ANO4: variants seen among roughly 807,000 people sequenced by gnomAD.
ANO4 encodes the protein anoctamin-4.
A neutral mutation model predicts 141.9 loss-of-function variants in ANO4; 69 were observed. The observed-to-expected ratio is 0.49, with a 90% CI of 0.40 to 0.59. ANO4 has a LOEUF of 0.59. Ranked by LOEUF, ANO4 falls within the 20% of genes least tolerant of loss-of-function variation. ANO4 has a pLI of 0.00. For missense variants in ANO4, 894 were observed against 1,162.2 expected (o/e 0.77, Z 3.36); for synonymous variants, 350 against 394.3 (o/e 0.89, Z 1.33).
intron 14 of ANO4, among the ~76,000 whole-genome samples, chr12:101,065,987 A>G (rs1184296848): frequency 6.6e-6 from 1 of 152,268 alleles, no homozygotes; most frequent in African/African-American, 2.4e-5. Flanking sequence ...GATACATCAT[A>G]TCAACAGAAT....
chr12:100,864,928 A>C (rs2038676329), intron 1 of ANO4, among the ~76,000 whole-genome samples: 1 of 152,144 alleles, frequency 6.6e-6, no homozygotes, highest in Non-Finnish European at 1.5e-5. Context: ...ATGAGTGAGA[A>C]CATGCAGTGT....
intron 1 of ANO4, among the ~76,000 whole-genome samples, chr12:100,881,972 T>C (rs1295577147): frequency 2.6e-5 from 4 of 152,118 alleles, no homozygotes; most frequent in Non-Finnish European, 5.9e-5. Context: ...TGTGCCTAAA[T>C]TGCTTTATTC....
intron 2 of ANO4, among the ~76,000 whole-genome samples, chr12:100,912,713 G>C (rs2041168447): frequency 1.3e-5 from 2 of 152,310 alleles, no homozygotes; most frequent in South Asian, 4.1e-4. Context: ...TAAGGAACCT[G>C]GCTGTTCTCT....
intron 4 of ANO4, 114 bp from the exon 5 acceptor site, chr12:100,942,263 G>C: frequency 1.6e-6 from 2 of 1,227,540 alleles, no homozygotes; most frequent in Non-Finnish European, 2.3e-6. Context: ...ACAGGCATGA[G>C]CCACCGCACC....
chr12:100,948,150 CAAAAAAAAAAAA>C (rs58889801), intron 5 of ANO4, among the ~76,000 whole-genome samples: 26 of 83,330 alleles, frequency 3.1e-4, no homozygotes, highest in Non-Finnish European at 4.9e-4. Flanking sequence ...GACTTCGTCT[CAAAAAAAAAAAA>C]AAAAAAAAAA....
chr12:100,971,406 G>C lies in ANO4; in HGVS notation c.557G>C (p.Arg186Thr), dbSNP rs764753983. ...CAAATGAATGTAAGAATGCCTTTCA[G>C]GTAGGTGGAAATGTATTTTATTCCA... ...AEQMNVRMPF[R>T]RKIYYLPRRY... The change falls in exon 6 of 28, where the codon AGG (arginine) becomes ACG (threonine). Residue 186 changes from arginine (R) to threonine (T), a missense_variant and splice_region_variant. By Grantham distance (71) the Arg-to-Thr change is moderately conservative. Transcript: ENST00000392977. The C allele has an allele frequency of 6.3e-7, 1 of 1,589,578 alleles. No individual in the cohort carries two copies. Among genetic ancestry groups the C allele is most frequent in the South Asian group, 1.1e-5 (1 of 89,632 alleles).
intron 14 of ANO4, among the ~76,000 whole-genome samples, chr12:101,052,652 TA>T (rs935874930): frequency 6.6e-6 from 1 of 152,216 alleles, no homozygotes; most frequent in Non-Finnish European, 1.5e-5. Flanking sequence ...ATGTCTCATT[TA>T]AAAAAATAAA....
intron 1 of ANO4, among the ~76,000 whole-genome samples, chr12:100,824,918 C>T (rs974938826): frequency 2.0e-5 from 3 of 151,954 alleles, no homozygotes; most frequent in African/African-American, 7.2e-5. Context: ...TAATTGATAT[C>T]TGTTTTCAAA....
At chr12:100,997,295 C>T (rs1963069) in intron 8 of ANO4, among the ~76,000 whole-genome samples, 149 of 147,522 alleles carry the variant, frequency 1.0e-3, no homozygotes, top group African/African-American at 3.7e-3. Flanking sequence ...GATCCCACCA[C>T]TGCACCCCAG....
chr12:100,940,717 T>A (rs2042474448), intron 4 of ANO4, among the ~76,000 whole-genome samples: 1 of 152,164 alleles, frequency 6.6e-6, no homozygotes, highest in African/African-American at 2.4e-5. Flanking sequence ...CTGGCATGTT[T>A]ACCTTCTTCA....
At chr12:101,048,741 A>G (rs1385106389) in intron 14 of ANO4, among the ~76,000 whole-genome samples, 1 of 152,180 alleles carries the variant, frequency 6.6e-6, no homozygotes, top group Non-Finnish European at 1.5e-5. Flanking sequence ...AGGACTTTCT[A>G]TTGTAAGTGG....
chr12:101,058,797 G>A (rs1448621298), intron 14 of ANO4, among the ~76,000 whole-genome samples: 1 of 152,092 alleles, frequency 6.6e-6, no homozygotes, highest in Non-Finnish European at 1.5e-5. Context: ...ATACAGTCAT[G>A]TCATCTGCAA....
At chr12:100,801,093 GTCTCTCTCTC>G (rs35462149) in intron 1 of ANO4, among the ~76,000 whole-genome samples, 58 of 147,260 alleles carry the variant, frequency 3.9e-4, no homozygotes, top group African/African-American at 1.1e-3. Context: ...TTGTCTACTT[GTCTCTCTCTC>G]TCTCTCTCTC....
At chr12:100,939,272 C>A in intron 3 of ANO4, 43 bp from the exon 4 acceptor site, 2 of 1,571,194 alleles carry the variant, frequency 1.3e-6, no homozygotes, top group Non-Finnish European at 1.7e-6. Flanking sequence ...TTTCAAGATC[C>A]CAGATTTTTA....
At chr12:100,847,268 T>C (rs950637074) in intron 1 of ANO4, among the ~76,000 whole-genome samples, 1 of 152,206 alleles carries the variant, frequency 6.6e-6, no homozygotes, top group African/African-American at 2.4e-5. Context: ...TACACTTGCT[T>C]TTTTGGAAGG....
intron 3 of ANO4, among the ~76,000 whole-genome samples, chr12:100,786,362 A>G (rs2033873752): frequency 6.6e-6 from 1 of 152,080 alleles, no homozygotes; most frequent in Non-Finnish European, 1.5e-5. Context: ...GTGGGGGGGA[A>G]TTAAATAATC....
intron 2 of ANO4, among the ~76,000 whole-genome samples, chr12:100,910,172 A>T (rs1197940848): frequency 6.6e-6 from 1 of 152,180 alleles, no homozygotes; most frequent in Non-Finnish European, 1.5e-5. Context: ...TAGAATGTCC[A>T]GTTTGATTTT....
chr12:100,994,306 T>C (rs2045272513), intron 8 of ANO4, among the ~76,000 whole-genome samples: 1 of 152,250 alleles, frequency 6.6e-6, no homozygotes, highest in Non-Finnish European at 1.5e-5. Flanking sequence ...AATTAATTTA[T>C]CTCTCTTCAC....
intron 1 of ANO4, among the ~76,000 whole-genome samples, chr12:100,881,533 C>T (rs1426024270): frequency 6.6e-6 from 1 of 151,658 alleles, no homozygotes; most frequent in East Asian, 1.9e-4. Flanking sequence ...TAGGTTTTTC[C>T]ATTAAGCCTT....
Sources: allele counts gnomAD v4.1 joint callset (sites outside exome capture counted in the v4.1 genomes callset), GRCh38; gene constraint gnomAD v4.1.1; transcripts MANE v1.5; gene names NCBI Gene and HGNC (gene_info 2026-07-23, HGNC 2026-07-21).